PTPRD: variants seen among roughly 807,000 people sequenced by gnomAD.
PTPRD encodes protein tyrosine phosphatase receptor type D.
PTPRD carries 34 observed loss-of-function variants against 214.5 expected under a neutral mutation model. That is an observed-to-expected ratio of 0.16 (90% CI 0.12 to 0.21). The LOEUF (loss-of-function observed/expected upper bound fraction) is 0.21. Ranked by LOEUF, PTPRD falls within the 10% of genes least tolerant of loss-of-function variation. The pLI is 1.00. For missense variants in PTPRD, 2,545 were observed against 2,398.7 expected (o/e 1.06, Z -1.27); for synonymous variants, 1,128 against 845.7 (o/e 1.33, Z -5.79).
intron 3 of PTPRD, among the ~76,000 whole-genome samples, chr9:10,121,489 A>G (rs545360311): frequency 3.9e-5 from 6 of 152,220 alleles, no homozygotes; most frequent in Non-Finnish European, 8.8e-5. Flanking sequence ...CTAACAACAC[A>G]TAACAAAACA....
intron 4 of PTPRD, among the ~76,000 whole-genome samples, chr9:10,018,795 C>T (rs1368930522): frequency 6.6e-6 from 1 of 151,540 alleles, no homozygotes; most frequent in Non-Finnish European, 1.5e-5. Context: ...GTGATCCGCC[C>T]GCCTCGGCCT....
chr9:8,924,752 T>A (rs1459859529), intron 11 of PTPRD, among the ~76,000 whole-genome samples: 1 of 151,200 alleles, frequency 6.6e-6, no homozygotes, highest in African/African-American at 2.4e-5. Context: ...TTTCTGGCCA[T>A]TCAGTAGGGC....
At chr9:10,054,612 T>C (rs1287130934) in intron 3 of PTPRD, among the ~76,000 whole-genome samples, 2 of 152,170 alleles carry the variant, frequency 1.3e-5, no homozygotes, top group African/African-American at 4.8e-5. Flanking sequence ...TCCTTTGAAA[T>C]GGTATCAAGA....
chr9:9,970,149 A>G (rs2094987350), intron 4 of PTPRD, among the ~76,000 whole-genome samples: 1 of 152,112 alleles, frequency 6.6e-6, no homozygotes, highest in Non-Finnish European at 1.5e-5. Context: ...AAACCAGCAA[A>G]TGGTTTTAGT....
intron 11 of PTPRD, among the ~76,000 whole-genome samples, chr9:8,815,460 A>G (rs555083098): frequency 2.2e-4 from 34 of 152,350 alleles, no homozygotes; most frequent in African/African-American, 7.9e-4. Context: ...AGATGAAAGG[A>G]TTCATTTAGC....
chr9:9,593,198 T>G (rs2092929397), intron 7 of PTPRD, among the ~76,000 whole-genome samples: 2 of 59,662 alleles, frequency 3.4e-5, no homozygotes, highest in South Asian at 3.1e-4. Context: ...CCAGTTTTGT[T>G]TTTTTTTTGT....
rs183695227 is a variant in PTPRD, at chr9:9,560,011, G to C, written c.-237+14721C>G. On this transcript the variant is annotated intron_variant, in intron 8 of 45. Coordinates refer to ENST00000381196, the MANE Select transcript of PTPRD (RefSeq NM_002839.4). The stretch of plus-strand genomic sequence containing the variant: ...AGTCCACATGTGGCTCCGGTTGTCC[G>C]GTGCCCCCTCAAGTCGGGCTTCTCG... Among the ~76,000 whole-genome samples the C allele has an allele frequency of 3.9e-5, 6 of 152,242 alleles. No homozygotes were observed. In the East Asian group the frequency reaches 1.2e-3, roughly 29 times the overall value.
At chr9:9,586,477 G>A (rs2091982216) in intron 7 of PTPRD, among the ~76,000 whole-genome samples, 1 of 151,830 alleles carries the variant, frequency 6.6e-6, no homozygotes, top group Non-Finnish European at 1.5e-5. Context: ...TATTCTCATT[G>A]AACATTATTG....
chr9:9,395,285 T>C (rs1273747117), intron 9 of PTPRD, among the ~76,000 whole-genome samples: 1 of 151,900 alleles, frequency 6.6e-6, no homozygotes, highest in Non-Finnish European at 1.5e-5. Context: ...TTGTTGAAAA[T>C]GTAAAATTTC....
intron 2 of PTPRD, among the ~76,000 whole-genome samples, chr9:10,395,629 G>A (rs909508302): frequency 2.6e-5 from 4 of 151,856 alleles, no homozygotes; most frequent in Non-Finnish European, 5.9e-5. Flanking sequence ...ATGACTAATT[G>A]TTGTCCTGCC....
rs140952436 is a variant in PTPRD at position 9,808,148 on chromosome 9, T to C, written c.-367-41297A>G. ...GTTCTCTAATCCTTATGTTTGAAATTGTGTGTAACTGTTGCATACTTCATA... is the reference window on the plus strand; with the variant it reads ...GTTCTCTAATCCTTATGTTTGAAATCGTGTGTAACTGTTGCATACTTCATA... On this transcript the variant is annotated intron_variant, in intron 5 of 45. Coordinates refer to ENST00000381196, the MANE Select transcript of PTPRD (RefSeq NM_002839.4). Among the ~76,000 whole-genome samples the C allele has an allele frequency of 3.7e-4, 57 of 152,292 alleles. No homozygotes were observed. In the East Asian group the frequency reaches 0.01, roughly 28 times the overall value.
chr9:8,508,410 G>A (rs968529271), intron 21 of PTPRD, among the ~76,000 whole-genome samples: 4 of 152,166 alleles, frequency 2.6e-5, no homozygotes, highest in African/African-American at 7.2e-5. Flanking sequence ...ACATCTAATC[G>A]TACATTGTTC....
At chr9:9,616,501 GT>G (rs1436514876) in intron 7 of PTPRD, among the ~76,000 whole-genome samples, 3 of 151,926 alleles carry the variant, frequency 2.0e-5, no homozygotes, top group African/African-American at 7.2e-5. Context: ...TTTATTCTAA[GT>G]TTTCTCATAG....
chr9:8,353,961 TATG>T (rs370118642), intron 39 of PTPRD, among the ~76,000 whole-genome samples: 44,772 of 115,778 alleles, frequency 0.39, 13,447 homozygotes, highest in Non-Finnish European at 0.57. Context: ...TATATATATA[TATG>T]TTTTTTTTTT....
intron 11 of PTPRD, among the ~76,000 whole-genome samples, chr9:8,955,797 G>A (rs1167283508): frequency 6.6e-6 from 1 of 151,588 alleles, no homozygotes; most frequent in African/African-American, 2.4e-5. Context: ...AACATATATA[G>A]TGCTAACTCA....
chr9:9,972,111 C>A (rs2095135396), intron 4 of PTPRD, among the ~76,000 whole-genome samples: 1 of 152,098 alleles, frequency 6.6e-6, no homozygotes. Context: ...ATACTATATT[C>A]CTATTTATCT....
chr9:8,891,422 G>A (rs1028091160), intron 11 of PTPRD, among the ~76,000 whole-genome samples: 25 of 150,718 alleles, frequency 1.7e-4, no homozygotes, highest in Admixed American at 2.7e-4. Flanking sequence ...GTGAGACACC[G>A]TGCCTGGTCA....
At position 9,419,840 on chromosome 9, in the gene PTPRD, TATC is replaced by T. The variant is rs539482611; in HGVS notation, c.-236-22361_-236-22359del. On this transcript the variant is annotated intron_variant, in intron 8 of 45. Transcript: ENST00000381196. Reference sequence around the variant, plus strand: ...GTATGTAAACATATTAAACACTTAATATCATATGCATTTAAGAAAAATATTTTA... The same window carrying T: ...GTATGTAAACATATTAAACACTTAATATATGCATTTAAGAAAAATATTTTA... Among the ~76,000 whole-genome samples the T allele has an allele frequency of 3.6e-4, 54 of 151,892 alleles. No individual in the cohort carries two copies. The East Asian group carries it at 8.9e-3, about 25-fold the overall frequency.
chr9:9,778,651 A>T (rs1413227492), intron 5 of PTPRD, among the ~76,000 whole-genome samples: 2 of 152,122 alleles, frequency 1.3e-5, no homozygotes, highest in African/African-American at 4.8e-5. Flanking sequence ...CTGCAGGAAC[A>T]GGTACACAGT....
Sources: gnomAD v4.1 joint callset for allele counts (sites outside exome capture counted in the v4.1 genomes callset) on GRCh38, gnomAD v4.1.1 for gene constraint, MANE v1.5 for transcripts, NCBI Gene and HGNC (gene_info 2026-07-23, HGNC 2026-07-21) for gene names.